BCR: variants seen among roughly 807,000 people sequenced by gnomAD.
The protein encoded by BCR is BCR activator of RhoGEF and GTPase.
In BCR, 58 loss-of-function variants were observed where a neutral mutation model predicts 138.6. That is an observed-to-expected ratio of 0.42 (90% CI 0.34 to 0.52). The LOEUF is 0.52. BCR is among the 20% of genes least tolerant of loss of function. The pLI, the probability that BCR is intolerant of heterozygous loss-of-function variation, is 0.06. For synonymous variants in BCR, 786 were observed against 730.1 expected (o/e 1.08, Z -1.23); for missense variants, 1,599 against 1,727.2 (o/e 0.93, Z 1.32).
chr22:23,255,776 C>T (rs768619101), intron 2 of BCR, among the ~76,000 whole-genome samples: 2 of 152,176 alleles, frequency 1.3e-5, no homozygotes, highest in East Asian at 1.9e-4. Context: ...CCTGGTCCCC[C>T]GACCCCTGCT....
At chr22:23,261,114 G>A (rs2073351540) in intron 3 of BCR, 60 bp downstream of exon 3, 2 of 1,523,308 alleles carry the variant, frequency 1.3e-6, no homozygotes, top group Admixed American at 1.8e-5. Flanking sequence ...GGGTTGGGGA[G>A]CCTCTTTGCC....
At chr22:23,285,560 A>G (rs1390831607) in intron 10 of BCR, among the ~76,000 whole-genome samples, 4 of 152,186 alleles carry the variant, frequency 2.6e-5, no homozygotes, top group African/African-American at 7.2e-5. Context: ...GTCCCTCACG[A>G]GAGAAACTTG....
chr22:23,276,545 G>T (rs982716532), intron 8 of BCR, among the ~76,000 whole-genome samples: 23 of 152,360 alleles, frequency 1.5e-4, no homozygotes, highest in Middle Eastern at 6.8e-3. Flanking sequence ...AAAGCAAGGT[G>T]GAGGACTAAT....
chr22:23,222,497 G>A lies in BCR; in HGVS notation c.1280-31302G>A, dbSNP rs184763116. Among the ~76,000 whole-genome samples the A allele has an allele frequency of 2.6e-5, 4 of 152,356 alleles. No individual in the cohort carries two copies. The East Asian group carries it at 5.8e-4, about 22-fold the overall frequency. On this transcript the variant is annotated intron_variant, in intron 1 of 22. Coordinates refer to ENST00000305877, the MANE Select transcript of BCR (RefSeq NM_004327.4). ...GTGCTAAGTGCTGAGAAAGTTCAGA[G>A]CAGGGGAAGTGGTTCCCGAGGAAGG...
At chr22:23,275,294 C>G (rs2073563530) in intron 8 of BCR, among the ~76,000 whole-genome samples, 1 of 152,242 alleles carries the variant, frequency 6.6e-6, no homozygotes, top group Non-Finnish European at 1.5e-5. Flanking sequence ...AGTCCCATGC[C>G]AGCATCGTGA....
intron 22 of BCR, 31 bp downstream of exon 22, chr22:23,314,745 C>A: frequency 6.2e-7 from 1 of 1,611,498 alleles, no homozygotes; most frequent in East Asian, 2.2e-5. Flanking sequence ...GCCCATGCAA[C>A]CCTGACCTGA....
Position 23,255,853 on chromosome 22 carries a change from G to A in BCR, c.1461+1873G>A, listed in dbSNP as rs137907769. On this transcript the variant is annotated intron_variant, in intron 2 of 22. Transcript: ENST00000305877. ...GTGCACATCCTGCAGGAGGTTGCAC[G>A]TCTCTGCCTGTCAGGTCCAGAGTTT... 4.0e-3 allele frequency among the ~76,000 whole-genome samples: 606 copies of A among 152,336 alleles called. 4 individuals carry two copies. The highest frequency in any genetic ancestry group is 0.014 in the African/African-American group (574 of 41,570).
chr22:23,201,469 C>T (rs8136067), intron 1 of BCR, among the ~76,000 whole-genome samples: 7 of 80,778 alleles, frequency 8.7e-5, no homozygotes, highest in African/African-American at 1.5e-4. Flanking sequence ...TTTGTTTTTT[C>T]GTTTTTGAGA....
At chr22:23,224,223 GT>G (rs2072862722) in intron 1 of BCR, among the ~76,000 whole-genome samples, 2 of 152,190 alleles carry the variant, frequency 1.3e-5, no homozygotes, top group South Asian at 4.1e-4. Context: ...GCCTGAATTG[GT>G]TTTTTGCACT....
rs2227942 is a variant in BCR, at chr22:23,315,479, C to T, written c.3773C>T (p.Pro1258Leu). Residue 1258 changes from proline (P) to leucine (L), a missense_variant, in exon 23 of 23, where the codon CCG becomes CTG. Around this residue, in one of 4 missense-constraint regions of BCR, gnomAD observed 177 missense variants for 226.4 expected, o/e 0.78. Coordinates refer to ENST00000305877, the MANE Select transcript of BCR (RefSeq NM_004327.4). Reference sequence around the variant, plus strand: ...CTGCAGCTGGAGGCCATCCCTGCCCCGGACAGCAAGAGACAGAGCATCCTG... The same window carrying T: ...CTGCAGCTGGAGGCCATCCCTGCCCTGGACAGCAAGAGACAGAGCATCCTG... Reference protein sequence around the residue: ...YFLQLEAIPAPDSKRQSILFS... With the variant: ...YFLQLEAIPALDSKRQSILFS... 2.0e-4 allele frequency: 316 copies of T among 1,612,878 alleles called. 1 individual carries two copies. The highest frequency in any genetic ancestry group is 2.3e-4 in the Non-Finnish European group (272 of 1,179,982).
At chr22:23,224,929 G>A (rs545976442) in intron 1 of BCR, among the ~76,000 whole-genome samples, 65 of 151,994 alleles carry the variant, frequency 4.3e-4, no homozygotes, top group Admixed American at 9.2e-4. Context: ...CAGGCCCCCC[G>A]CTTCTTGGGG....
intron 8 of BCR, 129 bp from the exon 9 acceptor site, chr22:23,283,848 G>A: frequency 1.6e-6 from 2 of 1,261,570 alleles, no homozygotes. Context: ...GTCAGATGTG[G>A]AGGGAGTGAA....
intron 8 of BCR, among the ~76,000 whole-genome samples, chr22:23,275,767 TCCTGAGATG>T (rs977648722): frequency 2.0e-5 from 3 of 152,184 alleles, no homozygotes; most frequent in African/African-American, 7.2e-5. Context: ...CGCCCTACCC[TCCTGAGATG>T]CCTGCTCTTT....
chr22:23,203,083 C>T lies in BCR; in HGVS notation c.1279+20844C>T, dbSNP rs558990910. 2.0e-3 allele frequency among the ~76,000 whole-genome samples: 297 copies of T among 150,350 alleles called. 2 individuals carry two copies. Among genetic ancestry groups the T allele is most frequent in the African/African-American group, 5.6e-3 (231 of 41,076 alleles). ...CTGTGTTGCCCAGGCTGGTCTTAAA[C>T]TCCTGGGCTCAAATGATCTGCCCGC... On this transcript the variant is annotated intron_variant, in intron 1 of 22. Transcript: ENST00000305877.
intron 1 of BCR, among the ~76,000 whole-genome samples, chr22:23,239,876 T>C (rs1287072986): frequency 1.3e-5 from 2 of 151,972 alleles, no homozygotes; most frequent in Non-Finnish European, 2.9e-5. Flanking sequence ...TGCAGTGCAG[T>C]GGCGCAGTCA....
intron 1 of BCR, among the ~76,000 whole-genome samples, chr22:23,211,354 C>G (rs2072679913): frequency 6.6e-6 from 1 of 152,214 alleles, no homozygotes; most frequent in South Asian, 2.1e-4. Context: ...CCCGCCACTA[C>G]ACCCAGCTAA....
intron 8 of BCR, 74 bp from the exon 9 acceptor site, chr22:23,283,903 G>A (rs2073678838): frequency 6.8e-7 from 1 of 1,469,852 alleles, no homozygotes; most frequent in Non-Finnish European, 9.0e-7. Flanking sequence ...TGCTCCTGCT[G>A]GGCTGGGAGG....
intron 16 of BCR, among the ~76,000 whole-genome samples, chr22:23,304,829 T>C (rs554515304): frequency 2.4e-4 from 36 of 152,226 alleles, no homozygotes; most frequent in African/African-American, 7.9e-4. Flanking sequence ...AAAAGTGGGA[T>C]AGAGGCCAGG....
intron 1 of BCR, among the ~76,000 whole-genome samples, chr22:23,196,270 A>C (rs1371216732): frequency 6.6e-6 from 1 of 152,132 alleles, no homozygotes; most frequent in Non-Finnish European, 1.5e-5. Flanking sequence ...GGTGGCTCGG[A>C]CACAGTCCTT....
Sources: allele counts gnomAD v4.1 joint callset (sites outside exome capture counted in the v4.1 genomes callset), GRCh38; gene constraint gnomAD v4.1.1; regional missense constraint gnomAD v4.1.1; transcripts MANE v1.5; gene names NCBI Gene and HGNC (gene_info 2026-07-23, HGNC 2026-07-21).